The following CACNA1B variants were observed in gnomAD, a reference collection of about 807,000 sequenced individuals.
CACNA1B encodes voltage-dependent N-type calcium channel subunit alpha-1B.
In CACNA1B, 70 loss-of-function variants were observed where a neutral mutation model predicts 247.2. The observed-to-expected ratio is 0.28, with a 90% confidence interval of 0.23 to 0.35. The LOEUF is 0.35. Among genes scored for constraint, CACNA1B ranks in the 10% least tolerant of loss-of-function variants. The pLI is 1.00. For missense variants in CACNA1B, 2,367 were observed against 3,197.4 expected, an observed-to-expected ratio of 0.74 and a Z score of 6.26; for synonymous variants, 1,231 against 1,294.4, an observed-to-expected ratio of 0.95 and a Z score of 1.05.
At chr9:138,079,737 C>A (rs1237771484) in intron 36 of CACNA1B, among the ~76,000 whole-genome samples, 4 of 98,028 alleles carry the variant, frequency 4.1e-5, no homozygotes, top group South Asian at 3.9e-4. Context: ...AGCCAGACTC[C>A]ATCTCAAAAA....
Position 138,120,379 on chromosome 9 carries a change from G to A in CACNA1B, c.6238+7G>A, listed in dbSNP as rs1265316946. The A allele has an allele frequency of 6.5e-7, 1 of 1,542,928 alleles. No homozygotes were observed. The highest frequency in any genetic ancestry group is 2.4e-5 in the East Asian group (1 of 41,482). Reference sequence around the variant, plus strand: ...TCTGCCGATATGGATGGCGGTGCGTGCGGAGGGGCCCGGGGAGTCCTTCGG... The same window carrying A: ...TCTGCCGATATGGATGGCGGTGCGTACGGAGGGGCCCGGGGAGTCCTTCGG... On this transcript the variant is annotated splice_region_variant and intron_variant, in intron 45 of 46. Transcript: ENST00000371372.
chr9:138,123,108 G>A lies in CACNA1B; in HGVS notation c.*1109G>A, dbSNP rs533188684. On this transcript the variant is annotated 3_prime_UTR_variant, in exon 47 of 47. Coordinates refer to ENST00000371372, the MANE Select transcript of CACNA1B (RefSeq NM_000718.4). ...TATGATTCTCAGGGCACACTCTGTG[G>A]TATGTGAAATAGGTTTCCTTCCACA... is the stretch of plus-strand genomic sequence containing the variant. 4 of 152,206 alleles carry A rather than the reference G, an allele frequency of 2.6e-5. No individual in the cohort carries two copies. In the East Asian group the frequency reaches 7.7e-4, roughly 29 times the overall value. 9.4% of individuals were successfully genotyped at this position (152,206 alleles called of 1,614,324 possible). A position where few individuals can be genotyped will look rare whatever the true frequency, so the allele number is the denominator to read the frequency against.
chr9:138,101,938 G>A (rs1401883577), intron 37 of CACNA1B, among the ~76,000 whole-genome samples: 3 of 152,158 alleles, frequency 2.0e-5, no homozygotes, highest in African/African-American at 7.2e-5. Context: ...GGAGCCTTTA[G>A]GTTCCTAGAT....
rs1961930679 is a variant in CACNA1B at position 138,117,994 on chromosome 9, A to C, written c.5826A>C (p.Gln1942His). The C allele has an allele frequency of 1.3e-6, 2 of 1,598,712 alleles. No homozygotes were observed. The highest frequency in any genetic ancestry group is 2.7e-5 in the African/African-American group (2 of 74,098). The change falls in exon 43 of 47, where the codon CAA (glutamine) becomes CAC (histidine). Residue 1942 changes from glutamine (Q) to histidine (H), a missense_variant. Transcript: ENST00000371372. ...AAGAGTCTGTCTCCTGGGGCACTCA[A>C]AGGACCCAGGATGCACCCCATGAGG... The part of the protein sequence containing the change: ...GIKESVSWGT[Q>H]RTQDAPHEAR...
At position 137,957,989 on chromosome 9, in the gene CACNA1B, A is replaced by G. The variant is rs1317422264; in HGVS notation, c.1333+302A>G. ...TGTCATCCCCTACCTCTCAAATAGT[A>G]CAAGGAACATTCTGGTTAATTTATC... On this transcript the variant is annotated intron_variant, in intron 10 of 46. Transcript: ENST00000371372. This position sits in a 1 kb window ranked among gnomAD's most constrained non-coding sequence, Gnocchi z 4.7. Among the ~76,000 whole-genome samples, 1 of 152,196 alleles carries G rather than the reference A, an allele frequency of 6.6e-6. No homozygotes were observed. The highest frequency in any genetic ancestry group is 1.5e-5 in the Non-Finnish European group (1 of 68,032).
chr9:138,025,715 C>T (rs1958912811), intron 20 of CACNA1B, among the ~76,000 whole-genome samples: 1 of 152,232 alleles, frequency 6.6e-6, no homozygotes, highest in African/African-American at 2.4e-5. Flanking sequence ...ATGCTCGGAA[C>T]AGCCTTTCCA....
chr9:138,079,929 G>GCAC (rs1960469348), intron 36 of CACNA1B, among the ~76,000 whole-genome samples: 1 of 151,798 alleles, frequency 6.6e-6, no homozygotes, highest in African/African-American at 2.4e-5. Flanking sequence ...GAGGCCGTTA[G>GCAC]CACCCTTGGC....
At chr9:137,967,738 C>T (rs896993415) in intron 10 of CACNA1B, among the ~76,000 whole-genome samples, 5 of 152,178 alleles carry the variant, frequency 3.3e-5, no homozygotes, top group African/African-American at 1.2e-4. Flanking sequence ...ATCGGACACT[C>T]GGATGCTTTT....
Position 138,023,802 on chromosome 9 carries a change from A to C in CACNA1B, c.3059A>C (p.His1020Pro). The C allele has an allele frequency of 7.1e-7, 1 of 1,411,696 alleles. No individual in the cohort carries two copies. Among genetic ancestry groups the C allele is most frequent in the Non-Finnish European group, 9.8e-7 (1 of 1,021,486 alleles). The allele number at this position is 1,411,696 out of a possible 1,614,324, so 87.4% of individuals were successfully genotyped here. A position where few individuals can be genotyped will look rare whatever the true frequency, so the allele number is the denominator to read the frequency against. The change falls in exon 19 of 47, where the codon CAC (histidine) becomes CCC (proline). Residue 1020 changes from histidine (H) to proline (P), a missense_variant. Physicochemically the swap from His to Pro is moderately conservative, Grantham distance 77. Transcript: ENST00000371372. Reference protein sequence around the residue: ...EADKEKELRNHQPREPHCDLE... With the variant: ...EADKEKELRNPQPREPHCDLE... ...GACAAGGAAAAGGAGCTCCGGAACC[A>C]CCAGCCCCGGTGAGTCCGCGGCTGG... is the stretch of plus-strand genomic sequence containing the variant.
At position 137,880,358 on chromosome 9, in the gene CACNA1B, T is replaced by TG. The variant is rs560617312; in HGVS notation, c.390+1204dup. Among the ~76,000 whole-genome samples, 265 of 152,232 alleles carry TG rather than the reference T, an allele frequency of 1.7e-3. No individual in the cohort carries two copies. Among genetic ancestry groups the TG allele is most frequent in the African/African-American group, 6.3e-3 (260 of 41,544 alleles). ...AGGCAGGCGTGAGTCATGGTCCCTG[T>TG]GGGGGACTTGGGCAGGACCCTGGTG... On this transcript the variant is annotated intron_variant, in intron 2 of 46. Coordinates refer to ENST00000371372, the MANE Select transcript of CACNA1B (RefSeq NM_000718.4). This position sits in a 1 kb window ranked among gnomAD's most constrained non-coding sequence, Gnocchi z 4.8.
intron 15 of CACNA1B, among the ~76,000 whole-genome samples, chr9:138,001,916 G>A (rs1958581978): frequency 6.6e-6 from 1 of 152,230 alleles, no homozygotes; most frequent in Non-Finnish European, 1.5e-5. Flanking sequence ...GGAGCTGTAT[G>A]TGTGCAGAGA....
At chr9:138,045,735 G>T (rs1387263878) in intron 21 of CACNA1B, among the ~76,000 whole-genome samples, 2 of 152,206 alleles carry the variant, frequency 1.3e-5, no homozygotes, top group East Asian at 1.9e-4. Context: ...TGAATTAGAA[G>T]GAAAGGCAGG....
rs981053244 is a variant in CACNA1B, at chr9:138,011,586, T to C, written c.2160+1509T>C. ...AAGCGAGGATAAACTTGAATTTGTT[T>C]TAGACCTTCCAGGGGACTTTAGAAC... On this transcript the variant is annotated intron_variant, in intron 17 of 46. Transcript: ENST00000371372. The surrounding 1 kb of genome is among the most constrained non-coding windows in gnomAD (Gnocchi z 4.2). Among the ~76,000 whole-genome samples the C allele has an allele frequency of 6.6e-6, 1 of 152,284 alleles. No homozygotes were observed. Among genetic ancestry groups the C allele is most frequent in the Admixed American group, 6.5e-5 (1 of 15,296 alleles).
At chr9:137,976,105 G>A in intron 12 of CACNA1B, 86 bp downstream of exon 12, 1 of 838,592 alleles carries the variant, frequency 1.2e-6, no homozygotes, top group Non-Finnish European at 2.0e-6. Flanking sequence ...TGCCCAGTGT[G>A]GGCTGGGGTC....
At chr9:138,031,955 G>A (rs1327169525) in intron 20 of CACNA1B, among the ~76,000 whole-genome samples, 1 of 143,862 alleles carries the variant, frequency 7.0e-6, no homozygotes, top group Non-Finnish European at 1.5e-5. Context: ...TGTCAATTCT[G>A]TCTTTTATTT....
intron 3 of CACNA1B, among the ~76,000 whole-genome samples, chr9:137,893,344 C>T (rs1356461873): frequency 8.3e-6 from 1 of 120,450 alleles, no homozygotes; most frequent in East Asian, 2.6e-4. Flanking sequence ...ATATTAACAA[C>T]TCCCCCCTTT....
intron 3 of CACNA1B, among the ~76,000 whole-genome samples, chr9:137,894,188 G>A (rs1253255208): frequency 3.3e-5 from 5 of 151,814 alleles, no homozygotes; most frequent in African/African-American, 1.2e-4. Context: ...CACATTTTTA[G>A]TTTTTTAAGA....
chr9:138,096,799 A>G (rs1589125955), intron 37 of CACNA1B, among the ~76,000 whole-genome samples, 188 bp downstream of exon 37: 3 of 144,624 alleles, frequency 2.1e-5, no homozygotes, highest in East Asian at 2.0e-4. Context: ...TCCCTTTTCC[A>G]TCTCGTGTGC....
At chr9:138,117,163 T>G (rs1589137841) in intron 42 of CACNA1B, among the ~76,000 whole-genome samples, 2 of 152,054 alleles carry the variant, frequency 1.3e-5, no homozygotes, top group South Asian at 4.1e-4. Flanking sequence ...GAAATACCAG[T>G]GCGGAAGTAT....
Sources: allele counts gnomAD v4.1 joint callset (sites outside exome capture counted in the v4.1 genomes callset), GRCh38; gene constraint gnomAD v4.1.1; non-coding constraint Gnocchi (gnomAD v3.1); transcripts MANE v1.5; gene names NCBI Gene and HGNC (gene_info 2026-07-23, HGNC 2026-07-21).